CCDC3: variants seen among roughly 807,000 people sequenced by gnomAD.
The protein encoded by CCDC3 is coiled-coil domain containing 3.
In CCDC3, 24 loss-of-function variants were observed where a neutral mutation model predicts 21.4. That is an observed-to-expected ratio of 1.12 (90% CI 0.81 to 1.58). The LOEUF (loss-of-function observed/expected upper bound fraction) is 1.58. Ranked by LOEUF, CCDC3 falls within the 40% of genes most tolerant of loss-of-function variation. The pLI is 0.00. For missense variants in CCDC3, 425 were observed against 360.9 expected (o/e 1.18, Z -1.44); for synonymous variants, 186 against 166.0 (o/e 1.12, Z -0.93).
At position 12,915,634 on chromosome 10, in the gene CCDC3, A is replaced by T. The variant is rs536859621; in HGVS notation, c.550-16955T>A. Among the ~76,000 whole-genome samples, 3 of 152,338 alleles carry T rather than the reference A, an allele frequency of 2.0e-5. No homozygotes were observed. The South Asian group carries it at 6.2e-4, about 32-fold the overall frequency. ...TTGTTTGAGAAAGCCTTTCACCAGT[A>T]GCCTGTCCAGAGATTCTGGGCAGGC... On this transcript the variant is annotated intron_variant, in intron 2 of 2. Coordinates refer to ENST00000378825, the MANE Select transcript of CCDC3 (RefSeq NM_031455.4).
chr10:12,921,271 TC>T (rs1448681772), intron 2 of CCDC3, among the ~76,000 whole-genome samples: 2 of 152,148 alleles, frequency 1.3e-5, no homozygotes, highest in Non-Finnish European at 2.9e-5. Flanking sequence ...AACATCAAAT[TC>T]CATTCTAGTC....
intron 5 of CCDC3, among the ~76,000 whole-genome samples, chr10:13,035,082 G>A (rs2131414165): frequency 6.6e-6 from 1 of 151,586 alleles, no homozygotes; most frequent in African/African-American, 2.4e-5. Flanking sequence ...CAGGACTGGA[G>A]GAAACCCCTA....
chr10:13,080,955 C>T (rs916162550), intron 3 of CCDC3, among the ~76,000 whole-genome samples: 8 of 152,356 alleles, frequency 5.3e-5, no homozygotes, highest in Non-Finnish European at 7.3e-5. Flanking sequence ...ACAGAGAGGC[C>T]GAGACCTCGA....
chr10:12,920,041 C>T (rs902210188), intron 2 of CCDC3, among the ~76,000 whole-genome samples: 4 of 152,144 alleles, frequency 2.6e-5, no homozygotes, highest in African/African-American at 9.7e-5. Context: ...AGCTGCTAAA[C>T]ATGCTAAGTG....
chr10:12,983,044 G>A (rs825423), intron 2 of CCDC3, among the ~76,000 whole-genome samples: 4,619 of 149,166 alleles, frequency 0.031, 238 homozygotes, highest in African/African-American at 0.11. Context: ...CCCGGAAGGC[G>A]GAGGTTCCAG....
intron 2 of CCDC3, among the ~76,000 whole-genome samples, chr10:12,966,993 A>G (rs1835271947): frequency 6.6e-6 from 1 of 152,144 alleles, no homozygotes; most frequent in Non-Finnish European, 1.5e-5. Flanking sequence ...CATCTTCCAG[A>G]TCTCTTTTGC....
intron 5 of CCDC3, among the ~76,000 whole-genome samples, chr10:13,031,077 T>C (rs1268325608): frequency 3.9e-5 from 6 of 152,142 alleles, no homozygotes; most frequent in Admixed American, 3.3e-4. Context: ...TATTCCAAAA[T>C]TGACCACATA....
exon 5 of CCDC3, chr10:13,049,808 G>A (rs1041150000): frequency 6.6e-6 from 1 of 152,104 alleles, no homozygotes; most frequent in Admixed American, 6.6e-5. Flanking sequence ...TCTGGAGGGC[G>A]GGTGTGTTAA....
upstream of CCDC3, among the ~76,000 whole-genome samples, chr10:13,003,660 G>C (rs922036087): frequency 2.6e-5 from 4 of 152,182 alleles, no homozygotes; most frequent in African/African-American, 9.7e-5. Flanking sequence ...AAGATAGTAA[G>C]AAAGTTTTTC....
intron 2 of CCDC3, among the ~76,000 whole-genome samples, chr10:12,924,526 C>A (rs576360600): frequency 2.0e-5 from 3 of 152,272 alleles, no homozygotes; most frequent in Non-Finnish European, 4.4e-5. Context: ...TGAGAATAGC[C>A]GAAGTGGAAC....
intron 3 of CCDC3, among the ~76,000 whole-genome samples, chr10:13,074,993 C>T (rs1328021950): frequency 2.6e-5 from 4 of 152,118 alleles, no homozygotes; most frequent in Admixed American, 6.5e-5. Flanking sequence ...CCAGCCGCGG[C>T]CAGTCACTTG....
At chr10:13,075,808 A>G (rs915631593) in intron 3 of CCDC3, among the ~76,000 whole-genome samples, 21 of 152,126 alleles carry the variant, frequency 1.4e-4, no homozygotes, top group Non-Finnish European at 2.4e-4. Context: ...CAGCACTTTC[A>G]GTGGCCAAGG....
chr10:12,910,611 A>ATTTTTT (rs11320030), intron 2 of CCDC3, among the ~76,000 whole-genome samples: 32 of 105,220 alleles, frequency 3.0e-4, no homozygotes, highest in African/African-American at 7.5e-4. Context: ...AAAAAAAAAA[A>ATTTTTT]TTTTTTTTTT....
intron 4 of CCDC3, among the ~76,000 whole-genome samples, chr10:13,073,288 T>C (rs1836909308): frequency 1.3e-5 from 2 of 152,196 alleles, no homozygotes. Context: ...TGTGATCTCT[T>C]TGGAATAGCT....
chr10:12,923,634 T>C (rs1206165692), intron 2 of CCDC3, among the ~76,000 whole-genome samples: 3 of 152,136 alleles, frequency 2.0e-5, no homozygotes, highest in Non-Finnish European at 4.4e-5. Context: ...CTCGATGGGT[T>C]TTCCTTTGGG....
chr10:13,050,783 T>C lies in CCDC3; in HGVS notation c.-269-842A>G, dbSNP rs1836596323. Among the ~76,000 whole-genome samples, 5 of 151,872 alleles carry C rather than the reference T, an allele frequency of 3.3e-5. No homozygotes were observed. In the South Asian group the frequency reaches 1.0e-3, roughly 32 times the overall value. ...CTGTATTTATTCTTTATCATTACGT[T>C]TTAGTTTGTTTTTTATTTTAATACA... On this transcript the variant is annotated intron_variant, in intron 4 of 6. Coordinates refer to the CCDC3 transcript ENST00000378839.
intron 2 of CCDC3, among the ~76,000 whole-genome samples, chr10:12,923,148 G>A (rs540238526): frequency 1.3e-5 from 2 of 152,220 alleles, no homozygotes; most frequent in South Asian, 4.2e-4. Flanking sequence ...GACTCCCCAT[G>A]GACCCACCAT....
At chr10:13,028,052 G>A (rs1355944824) in intron 5 of CCDC3, among the ~76,000 whole-genome samples, 1 of 152,138 alleles carries the variant, frequency 6.6e-6, no homozygotes, top group Non-Finnish European at 1.5e-5. Context: ...ACAATATATA[G>A]TTTATTAATG....
At chr10:13,074,736 T>G (rs1051530485) in intron 3 of CCDC3, among the ~76,000 whole-genome samples, 3 of 152,170 alleles carry the variant, frequency 2.0e-5, no homozygotes, top group Non-Finnish European at 4.4e-5. Flanking sequence ...GAGTTCCCCG[T>G]GCCGGCTGCA....
Sources: gnomAD v4.1 joint callset for allele counts (sites outside exome capture counted in the v4.1 genomes callset) on GRCh38, gnomAD v4.1.1 for gene constraint, MANE v1.5 for transcripts, NCBI Gene and HGNC (gene_info 2026-07-23, HGNC 2026-07-21) for gene names.